Variants in PPP1R16B observed in about 807,000 individuals in gnomAD.
PPP1R16B encodes protein phosphatase 1 regulatory inhibitor subunit 16B.
In PPP1R16B, 14 loss-of-function variants were observed where a neutral mutation model predicts 61.7. That is an observed-to-expected ratio of 0.23 (90% CI 0.15 to 0.35). The LOEUF (loss-of-function observed/expected upper bound fraction) is 0.35. PPP1R16B is among the 10% of genes least tolerant of loss of function. The probability of loss-of-function intolerance (pLI) is 1.00; values close to 1 mark genes in which losing one functional copy is unlikely to be tolerated. For synonymous variants in PPP1R16B, 266 were observed against 305.3 expected, an observed-to-expected ratio of 0.87 and a Z score of 1.34; for missense variants, 547 against 752.5, an observed-to-expected ratio of 0.73 and a Z score of 3.19.
intron 2 of PPP1R16B, among the ~76,000 whole-genome samples, chr20:38,857,012 A>C (rs976263803): frequency 2.0e-5 from 3 of 152,242 alleles, no homozygotes; most frequent in African/African-American, 7.2e-5. Context: ...TCAAATGCTC[A>C]TGGTCCCCAC....
chr20:38,823,636 CA>C (rs1043145301), intron 1 of PPP1R16B, among the ~76,000 whole-genome samples: 237 of 130,538 alleles, frequency 1.8e-3, no homozygotes, highest in Non-Finnish European at 1.3e-3. Flanking sequence ...GACTTTGTCT[CA>C]AAAAAAAAAA....
chr20:38,866,257 C>T (rs1287980408), intron 2 of PPP1R16B, among the ~76,000 whole-genome samples: 9 of 152,114 alleles, frequency 5.9e-5, no homozygotes, highest in African/African-American at 1.9e-4. Flanking sequence ...TCCTAAATCC[C>T]GGGTGTGCTG....
intron 1 of PPP1R16B, among the ~76,000 whole-genome samples, chr20:38,815,801 C>T (rs1371005954): frequency 6.6e-6 from 1 of 152,160 alleles, no homozygotes; most frequent in East Asian, 1.9e-4. Context: ...TACATTGTAC[C>T]TGGCCTTAGG....
chr20:38,889,791 A>C, intron 3 of PPP1R16B, 126 bp downstream of exon 3: 1 of 979,014 alleles, frequency 1.0e-6, no homozygotes, highest in Non-Finnish European at 1.6e-6. Flanking sequence ...GAGGAGCTGC[A>C]GCTGGCCCAT....
At chr20:38,859,214 A>G (rs1391932181) in intron 2 of PPP1R16B, among the ~76,000 whole-genome samples, 2 of 151,604 alleles carry the variant, frequency 1.3e-5, no homozygotes, top group Non-Finnish European at 2.9e-5. Flanking sequence ...TCTCTTGCTC[A>G]TGTGACAGCC....
intron 10 of PPP1R16B, among the ~76,000 whole-genome samples, chr20:38,915,746 T>A (rs1273965566): frequency 6.6e-6 from 1 of 152,014 alleles, no homozygotes; most frequent in Non-Finnish European, 1.5e-5. Flanking sequence ...CACCATAGCC[T>A]CCCAAAGTGC....
chr20:38,822,368 C>G (rs907263039), intron 1 of PPP1R16B, among the ~76,000 whole-genome samples: 2 of 152,098 alleles, frequency 1.3e-5, no homozygotes, highest in African/African-American at 4.8e-5. Flanking sequence ...GTAAGTACAG[C>G]ACTGACTGGG....
intron 1 of PPP1R16B, among the ~76,000 whole-genome samples, chr20:38,825,236 G>C (rs1325059950): frequency 6.6e-6 from 1 of 152,150 alleles, no homozygotes; most frequent in African/African-American, 2.4e-5. Context: ...ACAGTGCCTT[G>C]GTCCTTTTCC....
chr20:38,862,216 C>T (rs1053630698), intron 2 of PPP1R16B, among the ~76,000 whole-genome samples: 1 of 152,208 alleles, frequency 6.6e-6, no homozygotes, highest in African/African-American at 2.4e-5. Context: ...GCCAGGTGAC[C>T]AGTGACCCTG....
chr20:38,846,230 C>T (rs2084934918), intron 2 of PPP1R16B, among the ~76,000 whole-genome samples: 1 of 152,110 alleles, frequency 6.6e-6, no homozygotes, highest in Admixed American at 6.5e-5. Context: ...GGGGAGATAT[C>T]AGGGATGGTT....
chr20:38,820,441 C>T (rs1261697678), intron 1 of PPP1R16B, among the ~76,000 whole-genome samples: 1 of 152,020 alleles, frequency 6.6e-6, no homozygotes, highest in Non-Finnish European at 1.5e-5. Flanking sequence ...GCCTGTAATC[C>T]CAGCTACTCA....
intron 2 of PPP1R16B, among the ~76,000 whole-genome samples, chr20:38,866,279 CTGAG>C (rs1011038539): frequency 6.6e-6 from 1 of 152,138 alleles, no homozygotes; most frequent in Non-Finnish European, 1.5e-5. Context: ...CCTCTGTGGG[CTGAG>C]TGTCTGTGCA....
At chr20:38,875,999 G>A (rs1473694109) in intron 2 of PPP1R16B, among the ~76,000 whole-genome samples, 1 of 139,566 alleles carries the variant, frequency 7.2e-6, no homozygotes, top group African/African-American at 2.8e-5. Context: ...TTGAGATGGA[G>A]TTTCGCTCTT....
chr20:38,904,959 C>A (rs951393943), intron 6 of PPP1R16B, among the ~76,000 whole-genome samples: 2 of 152,198 alleles, frequency 1.3e-5, no homozygotes, highest in Non-Finnish European at 2.9e-5. Context: ...GAATGTGAAT[C>A]CCTTACTGAG....
intron 3 of PPP1R16B, among the ~76,000 whole-genome samples, chr20:38,891,150 G>A (rs888831500): frequency 2.0e-5 from 3 of 152,220 alleles, no homozygotes; most frequent in Non-Finnish European, 4.4e-5. Flanking sequence ...CCATGGGCAT[G>A]AGGATCAAAT....
Position 38,900,604 on chromosome 20 carries a change from A to G in PPP1R16B, c.491A>G (p.Asn164Ser), listed in dbSNP as rs1174799505. The G allele has an allele frequency of 5.6e-6, 9 of 1,601,612 alleles. No homozygotes were observed. The highest frequency in any genetic ancestry group is 7.7e-6 in the Non-Finnish European group (9 of 1,174,818). Residue 164 changes from asparagine to serine, a missense_variant, in exon 5 of 11, where the codon AAC (asparagine) becomes AGC (serine). Asn to Ser is a conservative substitution (Grantham distance 46, BLOSUM62 1). Coordinates refer to ENST00000299824, the MANE Select transcript of PPP1R16B (RefSeq NM_015568.4). ...AGTGGGGCCGACTTGCTTGCTGTCA[A>G]CTCGGATGGGAACATGCCATATGAC... ...VQYGADLLAV[N>S]SDGNMPYDLC...
chr20:38,915,641 C>T (rs1049163893), intron 10 of PPP1R16B, among the ~76,000 whole-genome samples: 10 of 152,066 alleles, frequency 6.6e-5, no homozygotes, highest in African/African-American at 1.2e-4. Flanking sequence ...TGCGTCACTG[C>T]GCCTGTCTAA....
At chr20:38,877,722 C>A (rs138004878) in intron 2 of PPP1R16B, among the ~76,000 whole-genome samples, 1 of 152,140 alleles carries the variant, frequency 6.6e-6, no homozygotes, top group Non-Finnish European at 1.5e-5. Flanking sequence ...TAGCCCCAGG[C>A]GACCACTGAT....
rs1174065982 is a variant in PPP1R16B, at chr20:38,877,821, C to T, written c.251-11774C>T. On this transcript the variant is annotated intron_variant, in intron 2 of 10. Transcript: ENST00000299824. ...CTCCTTATTTGCTCAGAATTCCATT[C>T]TTCATAATAGTAATGCTGCCACCTC... Among the ~76,000 whole-genome samples, 5 of 152,062 alleles carry T rather than the reference C, an allele frequency of 3.3e-5. No homozygotes were observed. In the East Asian group the frequency reaches 9.6e-4, roughly 29 times the overall value.
Sources: allele counts gnomAD v4.1 joint callset (sites outside exome capture counted in the v4.1 genomes callset), GRCh38; gene constraint gnomAD v4.1.1; transcripts MANE v1.5; gene names NCBI Gene and HGNC (gene_info 2026-07-23, HGNC 2026-07-21).